The following CIDEA variants were observed in gnomAD, a reference collection of about 807,000 sequenced individuals.
CIDEA encodes the protein cell death inducing DFFA like effector a.
In CIDEA, 10 loss-of-function variants were observed where a neutral mutation model predicts 18.2. The observed-to-expected ratio is 0.55, with a 90% CI of 0.34 to 0.93. The LOEUF (loss-of-function observed/expected upper bound fraction) is 0.93, where lower values mean the gene tolerates loss of function less well. CIDEA is among the 40% of genes least tolerant of loss of function. The pLI, the probability that CIDEA is intolerant of heterozygous loss-of-function variation, is 0.02. For missense variants in CIDEA, 309 were observed against 293.1 expected (o/e 1.05, Z -0.40); for synonymous variants, 128 against 124.8 (o/e 1.03, Z -0.17).
intron 1 of CIDEA, among the ~76,000 whole-genome samples, chr18:12,256,553 C>G (rs973817358): frequency 2.6e-5 from 4 of 152,226 alleles, no homozygotes; most frequent in African/African-American, 9.7e-5. Flanking sequence ...AAAGTCTGCT[C>G]TGTTCCTGTG....
At chr18:12,276,626 T>C (rs1303015176) in intron 4 of CIDEA, among the ~76,000 whole-genome samples, 1 of 152,162 alleles carries the variant, frequency 6.6e-6, no homozygotes, top group East Asian at 1.9e-4. Context: ...GCCCTCCTGA[T>C]GAGACAGCTG....
In CIDEA at chr18:12,264,413, C is replaced by T. The variant is rs751073720; in HGVS notation, c.290C>T (p.Thr97Met). 7.4e-6 allele frequency: 12 copies of T among 1,613,886 alleles called. No homozygotes were observed. The highest frequency in any genetic ancestry group is 1.6e-4 in the Middle Eastern group (1 of 6,082). ...TTCTTTCAGACCTTGGGAGACAACA[C>T]GCATTTCATGATCTTGGAAAAAGGA... Reference protein sequence around the residue: ...EEFFQTLGDNTHFMILEKGQK... With the variant: ...EEFFQTLGDNMHFMILEKGQK... Residue 97 changes from threonine (T) to methionine (M), a missense_variant, in exon 3 of 5, where the codon ACG (threonine) becomes ATG (methionine). Transcript: ENST00000320477.
rs1491473988 is a variant in CIDEA at position 12,268,229 on chromosome 18, C to CTTTTTTTTTTTTTTTTTTTTTT, written c.330+3776_330+3777insTTTTTTTTTTTTTTTTTTTTTT. On this transcript the variant is annotated intron_variant, in intron 3 of 4. Transcript: ENST00000320477. Reference sequence around the variant, plus strand: ...ACAAGTGCCTGCCACCATGCCCGGCCATTTTTTTTTTTTTTTTTTTTTTCA... The same window carrying CTTTTTTTTTTTTTTTTTTTTTT: ...ACAAGTGCCTGCCACCATGCCCGGCCTTTTTTTTTTTTTTTTTTTTTTATTTTTTTTTTTTTTTTTTTTTTCA... 5.5e-5 allele frequency among the ~76,000 whole-genome samples: 4 copies of CTTTTTTTTTTTTTTTTTTTTTT among 73,004 alleles called. 2 individuals are homozygous for CTTTTTTTTTTTTTTTTTTTTTT. Among genetic ancestry groups the CTTTTTTTTTTTTTTTTTTTTTT allele is most frequent in the Non-Finnish European group, 5.2e-5 (2 of 38,120 alleles). 47.9% of individuals were successfully genotyped at this position (73,004 alleles called of 152,430 possible). A position where few individuals can be genotyped will look rare whatever the true frequency, so the allele number is the denominator to read the frequency against.
chr18:12,255,336 G>A (rs1026435132), intron 1 of CIDEA, among the ~76,000 whole-genome samples: 1 of 152,230 alleles, frequency 6.6e-6, no homozygotes, highest in Non-Finnish European at 1.5e-5. Flanking sequence ...CGGGCAGAGA[G>A]ACTACATGTG....
chr18:12,277,269 A>T lies in CIDEA; in HGVS notation c.659A>T (p.Ter220LeuextTer19). Residue 220 changes from the stop codon to leucine (L), a stop_lost, in exon 5 of 5, where the codon TAG becomes TTG. Coordinates refer to ENST00000320477, the MANE Select transcript of CIDEA (RefSeq NM_001279.4). The stretch of plus-strand genomic sequence containing the variant: ...GCCAAGGGCAGGTTCACGTGTGGAT[A>T]GGGATGCAGGCTGTCGCCGGCTCTT... ...SQAKGRFTCG[*>L] 6.2e-7 allele frequency: 1 copy of T among 1,614,048 alleles called. No homozygotes were observed.
chr18:12,273,988 C>T lies in CIDEA; in HGVS notation c.331-105C>T, dbSNP rs557585866. 31 of 1,290,304 alleles carry T rather than the reference C, an allele frequency of 2.4e-5. No individual in the cohort carries two copies. The East Asian group carries it at 7.2e-4, about 30-fold the overall frequency. The allele number at this position is 1,290,304 out of a possible 1,614,324, so 79.9% of individuals were successfully genotyped here. On this transcript the variant is annotated intron_variant, in intron 3 of 4. Transcript: ENST00000320477. ...ATTAGCCACGGAGCCGCTCACAGAC[C>T]TTAAACAGACACATAGGAGAATCTG...
At chr18:12,256,238 A>C (rs1912030753) in intron 1 of CIDEA, among the ~76,000 whole-genome samples, 1 of 152,210 alleles carries the variant, frequency 6.6e-6, no homozygotes, top group South Asian at 2.1e-4. Flanking sequence ...AGGTCCTAAC[A>C]TATTTGCTAA....
At chr18:12,271,712 C>G (rs1193502732) in intron 3 of CIDEA, among the ~76,000 whole-genome samples, 4 of 152,162 alleles carry the variant, frequency 2.6e-5, no homozygotes, top group Admixed American at 2.6e-4. Flanking sequence ...CCAGGGGGCT[C>G]GCGGCCCCCG....
At chr18:12,274,371 G>C in intron 4 of CIDEA, 97 bp downstream of exon 4, 1 of 1,171,868 alleles carries the variant, frequency 8.5e-7, no homozygotes, top group South Asian at 1.4e-5. Context: ...CTCCCAGGCC[G>C]GCTAGCACTG....
intron 4 of CIDEA, 150 bp downstream of exon 4, chr18:12,274,424 T>A: frequency 1.6e-6 from 1 of 632,134 alleles, no homozygotes. Flanking sequence ...TCAACTCTTA[T>A]CCCACAGGCT....
chr18:12,270,894 C>CTTTTTTTTTTTTTTTTTTTTTTTTTT (rs771335202), intron 3 of CIDEA, among the ~76,000 whole-genome samples: 3 of 60,018 alleles, frequency 5.0e-5, no homozygotes, highest in African/African-American at 1.4e-4. Context: ...TTTTTCTTTT[C>CTTTTTTTTTTTTTTTTTTTTTTTTTT]TTTTTTTTTT....
intron 2 of CIDEA, among the ~76,000 whole-genome samples, 174 bp downstream of exon 2, chr18:12,263,143 C>A (rs1378000517): frequency 6.6e-6 from 1 of 152,208 alleles, no homozygotes; most frequent in Non-Finnish European, 1.5e-5. Context: ...TATGGAGTTT[C>A]TTTTTCTTTT....
intron 1 of CIDEA, chr18:12,255,099 G>C: frequency 2.6e-6 from 1 of 384,446 alleles, no homozygotes; most frequent in South Asian, 2.6e-5. Flanking sequence ...CGAACAGGCA[G>C]CATTGGCTAT....
At chr18:12,275,951 C>T (rs1905314812) in intron 4 of CIDEA, among the ~76,000 whole-genome samples, 2 of 151,882 alleles carry the variant, frequency 1.3e-5, no homozygotes, top group South Asian at 4.2e-4. Context: ...GCTAACCTCA[C>T]CCAAAATTCC....
At position 12,262,825 on chromosome 18, in the gene CIDEA, G is replaced by A. The variant is rs1283805159; in HGVS notation, c.39G>A (p.Arg13=). Residue 13 remains arginine (R), a splice_region_variant and synonymous_variant, in exon 2 of 5, where the codon AGG becomes AGA. Transcript: ENST00000320477. The part of the protein sequence containing the change: ...AARDYAGALI[R]PLTFMGSQTK... ...TTTTACTTTTCACCTCCATTTTCAG[G>A]CCCCTGACATTTATGGGATCACAGA... 2 of 1,607,762 alleles carry A rather than the reference G, an allele frequency of 1.2e-6. No individual in the cohort carries two copies. The highest frequency in any genetic ancestry group is 1.1e-5 in the South Asian group (1 of 90,556).
chr18:12,258,853 G>A (rs911816190), intron 1 of CIDEA, among the ~76,000 whole-genome samples: 1 of 152,222 alleles, frequency 6.6e-6, no homozygotes, highest in African/African-American at 2.4e-5. Context: ...CTCCTTGAGG[G>A]GACTTCAGCT....
chr18:12,257,327 G>A (rs1912065564), intron 1 of CIDEA, among the ~76,000 whole-genome samples: 1 of 152,098 alleles, frequency 6.6e-6, no homozygotes, highest in African/African-American at 2.4e-5. Context: ...AATATTCCCA[G>A]GCACTATTTT....
At chr18:12,270,405 T>C (rs1324941702) in intron 3 of CIDEA, among the ~76,000 whole-genome samples, 4 of 152,006 alleles carry the variant, frequency 2.6e-5, no homozygotes, top group African/African-American at 9.7e-5. Context: ...TTAATGTAGA[T>C]GAGGGCTGGG....
Position 12,274,114 on chromosome 18 carries a change from T to C in CIDEA, c.352T>C (p.Cys118Arg), listed in dbSNP as rs149536995. 7.4e-6 allele frequency: 12 copies of C among 1,614,174 alleles called. No homozygotes were observed. Among genetic ancestry groups the C allele is most frequent in the Non-Finnish European group, 1.0e-5 (12 of 1,180,022 alleles). The change falls in exon 4 of 5, where the codon TGC becomes CGC. Residue 118 changes from cysteine to arginine, a missense_variant. Transcript: ENST00000320477. ...WMPGSQHVPT[C>R]SPPKRSGIAR... ...ACAGGGCAGCCAGCACGTCCCCACT[T>C]GCTCGCCGCCGAAGAGGTCGGGAAT...
Sources: allele counts gnomAD v4.1 joint callset (sites outside exome capture counted in the v4.1 genomes callset), GRCh38; gene constraint gnomAD v4.1.1; transcripts MANE v1.5; gene names NCBI Gene and HGNC (gene_info 2026-07-23, HGNC 2026-07-21).